The following CTXND1 variants were observed in gnomAD, a reference collection of about 807,000 sequenced individuals.
CTXND1 encodes the protein cortexin domain containing 1.
intron 1 of CTXND1, among the ~76,000 whole-genome samples, chr15:80,205,588 C>T (rs1450046622): frequency 3.3e-5 from 5 of 152,128 alleles, no homozygotes. Context: ...ACATTTGTCT[C>T]ATCTGAGTTT....
intron 1 of CTXND1, among the ~76,000 whole-genome samples, chr15:80,226,379 T>TA (rs200210843): frequency 5.4e-4 from 80 of 146,998 alleles, no homozygotes; most frequent in African/African-American, 1.1e-3. Flanking sequence ...CCAATGAAGG[T>TA]AAAAAAAAAT....
chr15:80,233,678 G>A (rs1418516124), intron 1 of CTXND1, among the ~76,000 whole-genome samples: 2 of 152,196 alleles, frequency 1.3e-5, no homozygotes, highest in Admixed American at 6.5e-5. Context: ...GACTGGGGGA[G>A]CTAGACAAGC....
At chr15:80,245,964 G>T (rs1437582459) in intron 1 of CTXND1, among the ~76,000 whole-genome samples, 1 of 152,094 alleles carries the variant, frequency 6.6e-6, no homozygotes, top group Non-Finnish European at 1.5e-5. Context: ...AACAACACCA[G>T]AAAAACACCA....
intron 1 of CTXND1, among the ~76,000 whole-genome samples, chr15:80,213,870 C>T (rs2142126376): frequency 6.6e-6 from 1 of 152,134 alleles, no homozygotes; most frequent in African/African-American, 2.4e-5. Flanking sequence ...ATTGTATATA[C>T]CTGTCTGAGA....
chr15:80,221,579 G>C (rs550998457), intron 1 of CTXND1, among the ~76,000 whole-genome samples: 17 of 152,088 alleles, frequency 1.1e-4, no homozygotes, highest in African/African-American at 4.1e-4. Context: ...AGAGACCCTG[G>C]CTCTAAAAAT....
intron 1 of CTXND1, among the ~76,000 whole-genome samples, chr15:80,219,738 T>C (rs1893292044): frequency 6.6e-6 from 1 of 152,212 alleles, no homozygotes; most frequent in Non-Finnish European, 1.5e-5. Context: ...GTGAATGGTA[T>C]GTCATTATGG....
chr15:80,202,484 T>A (rs1040913423), intron 2 of CTXND1, among the ~76,000 whole-genome samples: 1 of 152,218 alleles, frequency 6.6e-6, no homozygotes, highest in Non-Finnish European at 1.5e-5. Flanking sequence ...AGGGTCTCAC[T>A]CTGTTGCTCA....
At chr15:80,242,568 C>A (rs1222096667) in intron 1 of CTXND1, among the ~76,000 whole-genome samples, 1 of 152,208 alleles carries the variant, frequency 6.6e-6, no homozygotes, top group Non-Finnish European at 1.5e-5. Context: ...GAGGGAGGAG[C>A]CTGTAAATCC....
intron 1 of CTXND1, among the ~76,000 whole-genome samples, chr15:80,216,347 T>C (rs552438537): frequency 6.6e-6 from 1 of 152,318 alleles, no homozygotes; most frequent in African/African-American, 2.4e-5. Flanking sequence ...TAAACTGACA[T>C]ACGCTCAAAG....
chr15:80,247,568 A>G (rs1893647390), intron 1 of CTXND1, among the ~76,000 whole-genome samples: 1 of 152,054 alleles, frequency 6.6e-6, no homozygotes, highest in South Asian at 2.1e-4. Flanking sequence ...GGAACACTCA[A>G]ATCCACCCTC....
intron 1 of CTXND1, among the ~76,000 whole-genome samples, chr15:80,212,990 G>GT (rs1893216621): frequency 6.6e-6 from 1 of 152,194 alleles, no homozygotes; most frequent in Admixed American, 6.5e-5. Flanking sequence ...AACCAATGGA[G>GT]TTTTTCTGGT....
intron 2 of CTXND1, among the ~76,000 whole-genome samples, chr15:80,203,310 C>A (rs895951479): frequency 6.6e-6 from 1 of 152,174 alleles, no homozygotes; most frequent in African/African-American, 2.4e-5. Context: ...AAGCAAGTTA[C>A]CCAGGCATCA....
chr15:80,227,613 C>T (rs1321563878), intron 1 of CTXND1, among the ~76,000 whole-genome samples: 1 of 152,096 alleles, frequency 6.6e-6, no homozygotes, highest in Non-Finnish European at 1.5e-5. Flanking sequence ...TTTCCTAGTG[C>T]ATATAAAAGT....
At chr15:80,224,175 C>G (rs1400472691) in intron 1 of CTXND1, among the ~76,000 whole-genome samples, 1 of 152,156 alleles carries the variant, frequency 6.6e-6, no homozygotes, top group Non-Finnish European at 1.5e-5. Flanking sequence ...GTAAGTCTCC[C>G]CAGCTCAGGT....
At chr15:80,219,424 C>T (rs60761886) in intron 1 of CTXND1, among the ~76,000 whole-genome samples, 1 of 152,150 alleles carries the variant, frequency 6.6e-6, no homozygotes, top group African/African-American at 2.4e-5. Context: ...GTTCACTGCT[C>T]ATTTCTTCTC....
chr15:80,237,336 G>GAAAAAAAAAAAAAAAAAAAAAA (rs201997173), intron 1 of CTXND1, among the ~76,000 whole-genome samples: 1 of 101,582 alleles, frequency 9.8e-6, no homozygotes, highest in Admixed American at 1.1e-4. Context: ...CAGTGTCTCA[G>GAAAAAAAAAAAAAAAAAAAAAA]AAAAAAAAAA....
chr15:80,229,477 C>T (rs1893406042), intron 1 of CTXND1, among the ~76,000 whole-genome samples: 1 of 152,190 alleles, frequency 6.6e-6, no homozygotes, highest in African/African-American at 2.4e-5. Flanking sequence ...ACCAGGCAAA[C>T]TATGGTCAGG....
intron 2 of CTXND1, 76 bp from the exon 3 acceptor site, chr15:80,202,090 T>C: frequency 2.5e-6 from 1 of 396,916 alleles, no homozygotes; most frequent in Non-Finnish European, 4.4e-6. Context: ...CACCAACCTC[T>C]GCTCCCTCTT....
chr15:80,212,450 C>T (rs754919836), intron 1 of CTXND1, among the ~76,000 whole-genome samples: 11 of 152,200 alleles, frequency 7.2e-5, no homozygotes, highest in Non-Finnish European at 1.5e-4. Context: ...CTAGTCCTTA[C>T]CCTCAAGGAT....
Sources: gnomAD v4.1 joint callset for allele counts (sites outside exome capture counted in the v4.1 genomes callset) on GRCh38, gnomAD v4.1.1 for gene constraint, MANE v1.5 for transcripts, NCBI Gene and HGNC (gene_info 2026-07-23, HGNC 2026-07-21) for gene names.